The following MFHAS1 variants were observed in gnomAD, a reference collection of about 807,000 sequenced individuals.
The protein encoded by MFHAS1 is malignant fibrous histiocytoma-amplified sequence 1.
MFHAS1 carries 50 observed loss-of-function variants against 70.4 expected under a neutral mutation model. The ratio of observed to expected loss-of-function variants is 0.71; its 90% CI spans 0.57 to 0.90. The LOEUF (loss-of-function observed/expected upper bound fraction) is 0.90. Ranked by LOEUF, MFHAS1 falls within the 40% of genes least tolerant of loss-of-function variation. MFHAS1 has a pLI of 0.00. For missense variants in MFHAS1, 1,795 were observed against 1,347.6 expected (o/e 1.33, Z -5.20); for synonymous variants, 952 against 620.0 (o/e 1.54, Z -7.96).
intron 2 of MFHAS1, among the ~76,000 whole-genome samples, chr8:8,794,454 T>C (rs1805825952): frequency 6.6e-6 from 1 of 152,172 alleles, no homozygotes; most frequent in Non-Finnish European, 1.5e-5. Context: ...GGCCTCCACA[T>C]GAGTTTGTTT....
At chr8:8,842,572 G>A (rs756846295) in intron 1 of MFHAS1, among the ~76,000 whole-genome samples, 7 of 152,066 alleles carry the variant, frequency 4.6e-5, no homozygotes, top group African/African-American at 1.7e-4. Context: ...CGTGTAAATC[G>A]CACTAGAAGC....
intron 1 of MFHAS1, among the ~76,000 whole-genome samples, chr8:8,864,376 A>C (rs1808780910): frequency 6.6e-6 from 1 of 151,892 alleles, no homozygotes; most frequent in African/African-American, 2.4e-5. Flanking sequence ...GCCCTGCCCG[A>C]CTCCTCCTCC....
intron 2 of MFHAS1, among the ~76,000 whole-genome samples, chr8:8,788,614 G>A (rs768737996): frequency 2.0e-5 from 3 of 152,238 alleles, no homozygotes; most frequent in Admixed American, 6.5e-5. Flanking sequence ...AGGAGGCGGA[G>A]GGTGCAGTGA....
At chr8:8,873,504 A>G (rs1809169299) in intron 1 of MFHAS1, among the ~76,000 whole-genome samples, 1 of 149,882 alleles carries the variant, frequency 6.7e-6, no homozygotes, top group South Asian at 2.1e-4. Flanking sequence ...CAGGTCAAAC[A>G]CATTTTAGAG....
At chr8:8,806,812 T>C (rs1806306846) in intron 1 of MFHAS1, among the ~76,000 whole-genome samples, 1 of 151,878 alleles carries the variant, frequency 6.6e-6, no homozygotes, top group South Asian at 2.1e-4. Context: ...CATACAAAAA[T>C]TAGCCAGGCG....
intron 1 of MFHAS1, among the ~76,000 whole-genome samples, chr8:8,864,478 A>G (rs1183282510): frequency 6.6e-6 from 1 of 152,266 alleles, no homozygotes; most frequent in Non-Finnish European, 1.5e-5. Context: ...GACCAAATTC[A>G]TATCCTAAAT....
chr8:8,879,122 G>A (rs997278748), intron 1 of MFHAS1, among the ~76,000 whole-genome samples: 1 of 152,158 alleles, frequency 6.6e-6, no homozygotes, highest in Non-Finnish European at 1.5e-5. Context: ...GCCGAGGCAG[G>A]AGGATCACTT....
At chr8:8,860,831 A>G (rs575493264) in intron 1 of MFHAS1, among the ~76,000 whole-genome samples, 1 of 152,360 alleles carries the variant, frequency 6.6e-6, no homozygotes, top group South Asian at 2.1e-4. Flanking sequence ...ATTTTCATGC[A>G]AATTAAATCA....
rs1178988692 is a variant in MFHAS1, at chr8:8,890,289, G to C, written c.2770C>G (p.Pro924Ala). Residue 924 changes from proline (P) to alanine (A), a missense_variant, in exon 1 of 3, where the codon CCT becomes GCT. Physicochemically the swap from Pro to Ala is conservative, Grantham distance 27. Coordinates refer to ENST00000276282, the MANE Select transcript of MFHAS1 (RefSeq NM_004225.3). The part of the protein sequence containing the change: ...FQIFAYRGKV[P>A]VVVSYRPARG... Reference sequence around the variant, plus strand: ...GCAGGTCTGTAACTCACAACCACAGGAACTTTCCCTCTATAGGCAAAGATC... The same window carrying C: ...GCAGGTCTGTAACTCACAACCACAGCAACTTTCCCTCTATAGGCAAAGATC... The C allele has an allele frequency of 6.2e-7, 1 of 1,614,082 alleles. No homozygotes were observed. The highest frequency in any genetic ancestry group is 2.2e-5 in the East Asian group (1 of 44,896).
At chr8:8,850,865 C>G (rs1263591936) in intron 1 of MFHAS1, among the ~76,000 whole-genome samples, 1 of 151,890 alleles carries the variant, frequency 6.6e-6, no homozygotes, top group African/African-American at 2.4e-5. Context: ...AGGTCAGCAC[C>G]CGCTACACAC....
At chr8:8,885,083 A>C (rs1463922220) in intron 1 of MFHAS1, among the ~76,000 whole-genome samples, 1 of 152,188 alleles carries the variant, frequency 6.6e-6, no homozygotes, top group Non-Finnish European at 1.5e-5. Context: ...TGAACAACCT[A>C]ATCAAAGATA....
rs772843408 is a variant in MFHAS1 at position 8,890,787 on chromosome 8, C to T, written c.2272G>A (p.Gly758Arg). Residue 758 changes from glycine (G) to arginine (R), a missense_variant, in exon 1 of 3, where the codon GGA becomes AGA. By Grantham distance (125) the Gly-to-Arg change is moderately radical. Coordinates refer to ENST00000276282, the MANE Select transcript of MFHAS1 (RefSeq NM_004225.3). ...CTTTCCCCCTCCGCCTTGCCCTCTC[C>T]ACTGGTCCCTAGGAGCAGCTTATGC... is the stretch of plus-strand genomic sequence containing the variant. ...LLHKLLLGTSGEGKAEGESSP... is the reference protein window; with the variant it reads ...LLHKLLLGTSREGKAEGESSP... 7 of 1,614,040 alleles carry T rather than the reference C, an allele frequency of 4.3e-6. No homozygotes were observed. The South Asian group carries it at 7.7e-5, about 18-fold the overall frequency.
intron 1 of MFHAS1, among the ~76,000 whole-genome samples, chr8:8,837,049 C>T (rs142682691): frequency 6.4e-4 from 98 of 152,196 alleles, no homozygotes; most frequent in African/African-American, 2.2e-3. Context: ...CGTGCAATGG[C>T]GGAACTTGTG....
intron 1 of MFHAS1, among the ~76,000 whole-genome samples, chr8:8,804,178 AT>A (rs1328177066): frequency 6.6e-6 from 1 of 152,148 alleles, no homozygotes; most frequent in Non-Finnish European, 1.5e-5. Context: ...ATCCTAAGGT[AT>A]GGTTCCAACG....
At chr8:8,792,138 A>T (rs1184094317) in intron 2 of MFHAS1, among the ~76,000 whole-genome samples, 7 of 150,286 alleles carry the variant, frequency 4.7e-5, no homozygotes, top group Non-Finnish European at 7.4e-5. Flanking sequence ...CTCGGCAGGG[A>T]TAACAGGAGA....
At chr8:8,848,781 C>A (rs1808128478) in intron 1 of MFHAS1, among the ~76,000 whole-genome samples, 1 of 152,196 alleles carries the variant, frequency 6.6e-6, no homozygotes, top group African/African-American at 2.4e-5. Context: ...AGTCGGCCCA[C>A]AGGCTACTTA....
At chr8:8,890,025 C>A (rs973743497) in intron 1 of MFHAS1, 36 bp downstream of exon 1, 2 of 1,487,122 alleles carry the variant, frequency 1.3e-6, no homozygotes, top group Non-Finnish European at 1.8e-6. Context: ...TATCTTACAG[C>A]ATACCACAGA....
intron 1 of MFHAS1, among the ~76,000 whole-genome samples, chr8:8,820,457 G>A (rs988930075): frequency 2.0e-5 from 3 of 152,188 alleles, no homozygotes; most frequent in African/African-American, 7.2e-5. Context: ...AGGTTAGCGT[G>A]AGAATGGTAT....
chr8:8,881,660 G>A (rs544536522), intron 1 of MFHAS1, among the ~76,000 whole-genome samples: 66 of 152,062 alleles, frequency 4.3e-4, no homozygotes, highest in African/African-American at 1.4e-3. Context: ...ATGGTGAAAC[G>A]CTGTCTCTAC....
Sources: gnomAD v4.1 joint callset for allele counts (sites outside exome capture counted in the v4.1 genomes callset) on GRCh38, gnomAD v4.1.1 for gene constraint, MANE v1.5 for transcripts, NCBI Gene and HGNC (gene_info 2026-07-23, HGNC 2026-07-21) for gene names.